Variants in CCDC62 observed in about 807,000 individuals in gnomAD.
The protein encoded by CCDC62 is coiled-coil domain-containing protein 62.
In CCDC62, 72 loss-of-function variants were observed where a neutral mutation model predicts 80.8. The ratio of observed to expected loss-of-function variants is 0.89; its 90% confidence interval spans 0.74 to 1.08. CCDC62 has a LOEUF of 1.08. Among genes scored for constraint, CCDC62 ranks in the 50% least tolerant of loss-of-function variants. The pLI is 0.00. For synonymous variants in CCDC62, 286 were observed against 296.5 expected, an observed-to-expected ratio of 0.96 and a Z score of 0.36; for missense variants, 704 against 809.4, an observed-to-expected ratio of 0.87 and a Z score of 1.58.
At chr12:122,816,804 T>G (rs1002656244) in intron 11 of CCDC62, among the ~76,000 whole-genome samples, 81 of 122,854 alleles carry the variant, frequency 6.6e-4, no homozygotes, top group African/African-American at 3.4e-3. Flanking sequence ...AATTTGGTGG[T>G]TTTTTTTAAA....
At chr12:122,819,326 C>T (rs941369797) in intron 11 of CCDC62, among the ~76,000 whole-genome samples, 3 of 152,172 alleles carry the variant, frequency 2.0e-5, no homozygotes, top group East Asian at 1.9e-4. Context: ...TGCCATCTGT[C>T]GCTACAGACA....
chr12:122,794,356 G>A (rs1405810505), intron 6 of CCDC62, among the ~76,000 whole-genome samples: 2 of 151,648 alleles, frequency 1.3e-5, no homozygotes, highest in East Asian at 3.9e-4. Context: ...CATCACACAT[G>A]CCTAATTTTT....
Position 122,802,985 on chromosome 12 carries a change from G to A in CCDC62, c.1706+1133G>A, listed in dbSNP as rs558713012. Among the ~76,000 whole-genome samples the A allele has an allele frequency of 3.9e-5, 6 of 152,260 alleles. 1 individual carries two copies. The South Asian group carries it at 1.2e-3, about 32-fold the overall frequency. On this transcript the variant is annotated intron_variant, in intron 9 of 12. Transcript: ENST00000253079. ...TTTGAGACTGCAGTGAGCTATGATG[G>A]TGCCACTGCACTCCAGCCTGGGCAA...
At chr12:122,803,103 C>T (rs1299343350) in intron 9 of CCDC62, among the ~76,000 whole-genome samples, 6 of 152,110 alleles carry the variant, frequency 3.9e-5, no homozygotes, top group Non-Finnish European at 7.4e-5. Flanking sequence ...TGGTCTCGAA[C>T]TCCTGGGCTT....
chr12:122,823,189 G>T lies in CCDC62; in HGVS notation c.2002-177G>T, dbSNP rs2649909. ...CTGGCCAGGCTGCTCTTGAATTCCTGATCTCAAGTGATCCGCCCACCCTGG... is the reference window on the plus strand; with the variant it reads ...CTGGCCAGGCTGCTCTTGAATTCCTTATCTCAAGTGATCCGCCCACCCTGG... On this transcript the variant is annotated intron_variant, in intron 11 of 12. Transcript: ENST00000253079. Among the ~76,000 whole-genome samples, 12,758 of 152,234 alleles carry T rather than the reference G, an allele frequency of 0.084. 845 individuals are homozygous for T. The highest frequency in any genetic ancestry group is 0.23 in the East Asian group (1,187 of 5,172).
At chr12:122,790,056 C>CTT (rs904666622) in intron 5 of CCDC62, among the ~76,000 whole-genome samples, 1 of 146,898 alleles carries the variant, frequency 6.8e-6, no homozygotes, top group Non-Finnish European at 1.5e-5. Flanking sequence ...AATATTAAAA[C>CTT]TTTTTTTTTT....
chr12:122,815,805 G>A (rs764189105), intron 11 of CCDC62, among the ~76,000 whole-genome samples: 11 of 152,152 alleles, frequency 7.2e-5, no homozygotes, highest in Non-Finnish European at 1.2e-4. Flanking sequence ...TGTCATTCAT[G>A]AATAGAGACA....
At chr12:122,825,391 G>C (rs1206832011) in intron 12 of CCDC62, among the ~76,000 whole-genome samples, 1 of 134,306 alleles carries the variant, frequency 7.4e-6, no homozygotes, top group African/African-American at 2.8e-5. Flanking sequence ...TTGTCTCCCA[G>C]TCTGGAGTGC....
chr12:122,818,588 C>T (rs893356434), intron 11 of CCDC62, among the ~76,000 whole-genome samples: 8 of 151,878 alleles, frequency 5.3e-5, no homozygotes, highest in African/African-American at 1.9e-4. Context: ...CACCACTGTA[C>T]TCCAGCTTGG....
chr12:122,797,424 C>T (rs2031030190), intron 7 of CCDC62, 29 bp downstream of exon 7: 1 of 1,191,452 alleles, frequency 8.4e-7, no homozygotes, highest in African/African-American at 1.5e-5. Flanking sequence ...TTCTCTGTCA[C>T]ATAAGAAATG....
chr12:122,795,104 G>T (rs2030858359), intron 6 of CCDC62, among the ~76,000 whole-genome samples: 1 of 152,084 alleles, frequency 6.6e-6, no homozygotes, highest in East Asian at 1.9e-4. Flanking sequence ...AGGCTGGAGT[G>T]TAGTGGTGCG....
At chr12:122,791,892 C>A in intron 5 of CCDC62, 128 bp from the exon 6 acceptor site, 1 of 681,744 alleles carries the variant, frequency 1.5e-6, no homozygotes, top group South Asian at 1.8e-5. Flanking sequence ...GGCTGTGAAA[C>A]AGATTTTGTC....
At chr12:122,796,383 A>G (rs942819832) in intron 6 of CCDC62, among the ~76,000 whole-genome samples, 5 of 152,094 alleles carry the variant, frequency 3.3e-5, no homozygotes, top group South Asian at 2.1e-4. Flanking sequence ...GGCTCAAGCA[A>G]TCTTCCCACC....
chr12:122,822,060 AACACAC>A (rs58108370), intron 11 of CCDC62, among the ~76,000 whole-genome samples: 2 of 115,824 alleles, frequency 1.7e-5, no homozygotes, highest in African/African-American at 6.5e-5. Flanking sequence ...TATAAATTTA[AACACAC>A]ACACACACAC....
chr12:122,814,090 T>G lies in CCDC62; in HGVS notation c.2001+671T>G, dbSNP rs1433383915. ...TGAGGTCAGGAGTTCAAGACCAGCC[T>G]GACTAACATGGAGAAACCCCGTCTC... On this transcript the variant is annotated intron_variant, in intron 11 of 12. Transcript: ENST00000253079. Among the ~76,000 whole-genome samples, 4 of 151,896 alleles carry G rather than the reference T, an allele frequency of 2.6e-5. No individual in the cohort carries two copies. In the East Asian group the frequency reaches 5.9e-4, roughly 22 times the overall value.
At chr12:122,776,841 G>C (rs969199016) in intron 1 of CCDC62, 1 of 152,238 alleles carries the variant, frequency 6.6e-6, no homozygotes, top group African/African-American at 2.4e-5. Flanking sequence ...TGTTGCCCAG[G>C]CTAGAGTGCA....
intron 11 of CCDC62, among the ~76,000 whole-genome samples, chr12:122,819,614 G>A (rs1163321289): frequency 2.0e-5 from 3 of 152,176 alleles, no homozygotes; most frequent in South Asian, 2.1e-4. Flanking sequence ...AAAGGGAACC[G>A]AGGGAATAAG....
intron 10 of CCDC62, 109 bp downstream of exon 10, chr12:122,806,404 GTTTTTTT>G: frequency 4.6e-6 from 2 of 438,108 alleles, no homozygotes; most frequent in Non-Finnish European, 7.7e-6. Context: ...CTATTCCTCC[GTTTTTTT>G]TTTTTTTTTT....
chr12:122,797,098 G>A (rs1276625753), intron 6 of CCDC62, among the ~76,000 whole-genome samples: 3 of 151,780 alleles, frequency 2.0e-5, no homozygotes, highest in Non-Finnish European at 4.4e-5. Flanking sequence ...GGCCAGTCTC[G>A]AACTCTTGAC....
Sources: allele counts gnomAD v4.1 joint callset (sites outside exome capture counted in the v4.1 genomes callset), GRCh38; gene constraint gnomAD v4.1.1; transcripts MANE v1.5; gene names NCBI Gene and HGNC (gene_info 2026-07-23, HGNC 2026-07-21).